The following WDR17 variants were observed in gnomAD, a reference collection of about 807,000 sequenced individuals.
WDR17 encodes WD repeat-containing protein 17.
WDR17 carries 143 observed loss-of-function variants against 161.7 expected under a neutral mutation model. That is an observed-to-expected ratio of 0.88 (90% confidence interval 0.77 to 1.02). The LOEUF (loss-of-function observed/expected upper bound fraction) is 1.02, where lower values mean the gene tolerates loss of function less well. WDR17 is among the 50% of genes least tolerant of loss of function. The probability of loss-of-function intolerance (pLI) is 0.00; values close to 1 mark genes in which losing one functional copy is unlikely to be tolerated. For missense variants in WDR17, 1,469 were observed against 1,520.9 expected, an observed-to-expected ratio of 0.97 and a Z score of 0.57; for synonymous variants, 517 against 515.6, an observed-to-expected ratio of 1.00 and a Z score of -0.04.
At chr4:176,112,664 A>G (rs1222863159) in intron 2 of WDR17, among the ~76,000 whole-genome samples, 2 of 152,004 alleles carry the variant, frequency 1.3e-5, no homozygotes, top group African/African-American at 4.8e-5. Flanking sequence ...ACTCTTTTCC[A>G]TATTCTATTT....
chr4:176,088,430 A>AG (rs962598096), intron 1 of WDR17, among the ~76,000 whole-genome samples: 5 of 152,160 alleles, frequency 3.3e-5, no homozygotes, highest in African/African-American at 4.8e-5. Context: ...TTAAAAAAAA[A>AG]TTTCAAACTG....
At chr4:176,095,706 A>G (rs57936713) in intron 1 of WDR17, among the ~76,000 whole-genome samples, 7,600 of 151,056 alleles carry the variant, frequency 0.05, 404 homozygotes, top group African/African-American at 0.14. Flanking sequence ...GCTTCCTACC[A>G]TCCATCCTTC....
chr4:176,076,118 T>G (rs1025251693), intron 1 of WDR17, among the ~76,000 whole-genome samples: 1 of 151,490 alleles, frequency 6.6e-6, no homozygotes, highest in African/African-American at 2.4e-5. Context: ...TACAAAATAC[T>G]TCTTAGTTGC....
chr4:176,149,230 A>AC (rs1561181306), intron 13 of WDR17, among the ~76,000 whole-genome samples: 3 of 150,292 alleles, frequency 2.0e-5, no homozygotes, highest in African/African-American at 7.5e-5. Flanking sequence ...GCTTTCTAAT[A>AC]ATTTTTTTCT....
chr4:176,101,538 A>G (rs1324248390), intron 1 of WDR17, among the ~76,000 whole-genome samples: 1 of 152,194 alleles, frequency 6.6e-6, no homozygotes, highest in African/African-American at 2.4e-5. Context: ...TAATTTGCTA[A>G]TAGCTTTAAT....
intron 26 of WDR17, 150 bp from the exon 27 acceptor site, chr4:176,176,908 A>G (rs1751528706): frequency 1.8e-6 from 1 of 566,908 alleles, no homozygotes; most frequent in African/African-American, 1.9e-5. Context: ...ATACGCATAT[A>G]CTAGAAAATA....
chr4:176,105,365 A>G (rs1284608609), intron 1 of WDR17, among the ~76,000 whole-genome samples: 1 of 152,074 alleles, frequency 6.6e-6, no homozygotes, highest in Non-Finnish European at 1.5e-5. Context: ...TATTAATCCA[A>G]TTAGATCTAA....
At position 176,148,141 on chromosome 4, in the gene WDR17, G is replaced by T; in HGVS notation, c.1703G>T (p.Arg568Leu). ...LCSGSDDGTVRIWDYTQDACI... is the reference protein window; with the variant it reads ...LCSGSDDGTVLIWDYTQDACI... ...TAATATTCTGTTTTCAGTACCGTTC[G>T]AATCTGGGATTATACTCAGGATGCT... Residue 568 changes from arginine (R) to leucine (L), a missense_variant, in exon 13 of 29, where the codon CGA becomes CTA. Transcript: ENST00000508596. 1.9e-6 allele frequency: 3 copies of T among 1,613,596 alleles called. No individual in the cohort carries two copies. Among genetic ancestry groups the T allele is most frequent in the African/African-American group, 1.3e-5 (1 of 74,966 alleles).
At chr4:176,113,724 CACTT>C (rs1209717951) in intron 2 of WDR17, among the ~76,000 whole-genome samples, 4 of 151,938 alleles carry the variant, frequency 2.6e-5, no homozygotes, top group Admixed American at 1.3e-4. Flanking sequence ...TATTAAATAA[CACTT>C]AGTGCCAATG....
intron 27 of WDR17, 46 bp from the exon 28 acceptor site, chr4:176,177,425 T>G (rs749630844): frequency 6.8e-7 from 1 of 1,467,836 alleles, no homozygotes; most frequent in South Asian, 1.5e-5. Context: ...CATCAAAAAT[T>G]CTGTGATTCG....
At chr4:176,119,547 C>T (rs1579099360) in intron 3 of WDR17, among the ~76,000 whole-genome samples, 1 of 152,196 alleles carries the variant, frequency 6.6e-6, no homozygotes, top group East Asian at 1.9e-4. Context: ...TACAAATACA[C>T]AGTAAGAATG....
intron 1 of WDR17, among the ~76,000 whole-genome samples, chr4:176,097,742 T>TACACACACAC (rs35130339): frequency 7.0e-6 from 1 of 143,144 alleles, no homozygotes; most frequent in Non-Finnish European, 1.5e-5. Flanking sequence ...CACACACACA[T>TACACACACAC]ACACACACAC....
intron 5 of WDR17, among the ~76,000 whole-genome samples, chr4:176,126,737 TC>T (rs1742508600): frequency 6.6e-6 from 1 of 152,144 alleles, no homozygotes; most frequent in African/African-American, 2.4e-5. Context: ...ATTGCCATGA[TC>T]CCCAACTGTC....
At chr4:176,160,205 A>G in intron 19 of WDR17, 79 bp downstream of exon 19, 1 of 1,520,058 alleles carries the variant, frequency 6.6e-7, no homozygotes, top group Non-Finnish European at 8.9e-7. Context: ...TGACTGGCTC[A>G]CCCTTACATA....
intron 1 of WDR17, among the ~76,000 whole-genome samples, chr4:176,083,946 A>G (rs1735087550): frequency 6.6e-6 from 1 of 151,926 alleles, no homozygotes; most frequent in Non-Finnish European, 1.5e-5. Flanking sequence ...TTCATATGCT[A>G]CTTAGTTATT....
At chr4:176,087,413 A>G (rs1263036724) in intron 1 of WDR17, among the ~76,000 whole-genome samples, 1 of 152,046 alleles carries the variant, frequency 6.6e-6, no homozygotes, top group Non-Finnish European at 1.5e-5. Context: ...TAACATGACC[A>G]TTTTTAAGAT....
chr4:176,115,549 A>T (rs1740479092), intron 2 of WDR17, among the ~76,000 whole-genome samples: 1 of 151,876 alleles, frequency 6.6e-6, no homozygotes, highest in Non-Finnish European at 1.5e-5. Context: ...AATGTGAAAC[A>T]TTTATTTTTA....
chr4:176,080,231 A>G (rs1734564876), intron 1 of WDR17, among the ~76,000 whole-genome samples: 1 of 152,012 alleles, frequency 6.6e-6, no homozygotes, highest in African/African-American at 2.4e-5. Flanking sequence ...TTGAGAATCT[A>G]TTTAAAATCC....
intron 23 of WDR17, among the ~76,000 whole-genome samples, chr4:176,170,520 G>T (rs1427996940): frequency 6.6e-6 from 1 of 151,800 alleles, no homozygotes; most frequent in Non-Finnish European, 1.5e-5. Context: ...TCACCATGTT[G>T]GTCAGCCTAG....
Sources: allele counts gnomAD v4.1 joint callset (sites outside exome capture counted in the v4.1 genomes callset), GRCh38; gene constraint gnomAD v4.1.1; transcripts MANE v1.5; gene names NCBI Gene and HGNC (gene_info 2026-07-23, HGNC 2026-07-21).